The following EIF3A variants were observed in gnomAD, a reference collection of about 807,000 sequenced individuals.
EIF3A encodes the protein eukaryotic translation initiation factor 3 subunit A.
EIF3A carries 21 observed loss-of-function variants against 186.6 expected under a neutral mutation model. The ratio of observed to expected loss-of-function variants is 0.11; its 90% CI spans 0.08 to 0.16. EIF3A has a LOEUF of 0.16. Ranked by LOEUF, EIF3A falls within the 10% of genes least tolerant of loss-of-function variation. The pLI is 1.00. For synonymous variants in EIF3A, 563 were observed against 584.3 expected (o/e 0.96, Z 0.52); for missense variants, 1,306 against 1,796.3 (o/e 0.73, Z 4.93).
chr10:119,048,334 G>A (rs1459600715), intron 17 of EIF3A, among the ~76,000 whole-genome samples: 1 of 152,108 alleles, frequency 6.6e-6, no homozygotes, highest in Non-Finnish European at 1.5e-5. Flanking sequence ...AATTAAGGCA[G>A]TAATGTAGGA....
Position 119,073,921 on chromosome 10 carries a change from G to A in EIF3A, c.66C>T (p.Gly22=). Reference sequence around the variant, plus strand: ...GAACATCCAGAGCAGGCTGCTTTTTGCCAACCTCAAGAAATTCTGAAAAAT... The same window carrying A: ...GAACATCCAGAGCAGGCTGCTTTTTACCAACCTCAAGAAATTCTGAAAAAT... The part of the protein sequence containing the change: ...LKRANEFLEV[G]KKQPALDVLY... The change falls in exon 2 of 22, where the codon GGC becomes GGT. Residue 22 remains glycine (G), a synonymous_variant. Coordinates refer to ENST00000369144, the MANE Select transcript of EIF3A (RefSeq NM_003750.4). 1 of 1,593,936 alleles carries A rather than the reference G, an allele frequency of 6.3e-7. No homozygotes were observed. The highest frequency in any genetic ancestry group is 8.5e-7 in the Non-Finnish European group (1 of 1,171,134).
Position 119,034,030 on chromosome 10 carries a change from A to G in EIF3A, c.*2009T>C, listed in dbSNP as rs994460504. On this transcript the variant is annotated 3_prime_UTR_variant, in exon 22 of 22. Transcript: ENST00000369144. ...ACTGGATCTATCTGTATTAACAGCA[A>G]TGTTACTCTCAATGAAACTGCAGAA... 6.0e-6 allele frequency: 1 copy of G among 167,140 alleles called. No homozygotes were observed. Among genetic ancestry groups the G allele is most frequent in the Non-Finnish European group, 1.5e-5 (1 of 68,142 alleles). 10.4% of individuals were successfully genotyped at this position (167,140 alleles called of 1,614,324 possible). A position where few individuals can be genotyped will look rare whatever the true frequency, so the allele number is the denominator to read the frequency against.
At position 119,035,947 on chromosome 10, in the gene EIF3A, T is replaced by C. The variant is rs1848121752; in HGVS notation, c.*92A>G. ...GTTATGGTGAAACAACATTAAAGAA[T>C]CCAATTTAGATTGGTTGAAGCACAA... is the stretch of plus-strand genomic sequence containing the variant. On this transcript the variant is annotated 3_prime_UTR_variant, in exon 22 of 22. Coordinates refer to ENST00000369144, the MANE Select transcript of EIF3A (RefSeq NM_003750.4). 2.1e-6 allele frequency: 2 copies of C among 938,696 alleles called. No individual in the cohort carries two copies. The highest frequency in any genetic ancestry group is 3.3e-5 in the African/African-American group (2 of 61,042). The allele number at this position is 938,696 out of a possible 1,614,324, so 58.1% of individuals were successfully genotyped here.
intron 1 of EIF3A, among the ~76,000 whole-genome samples, chr10:119,078,215 G>C (rs762469362): frequency 6.6e-6 from 1 of 152,074 alleles, no homozygotes; most frequent in African/African-American, 2.4e-5. Flanking sequence ...AGTTAGTGTG[G>C]CACCACTAAT....
intron 6 of EIF3A, among the ~76,000 whole-genome samples, chr10:119,067,424 C>A (rs1843998824): frequency 6.6e-6 from 1 of 151,850 alleles, no homozygotes; most frequent in Non-Finnish European, 1.5e-5. Flanking sequence ...ACCCTGCCTC[C>A]ACAAAAAAAA....
At chr10:119,055,348 T>C (rs1848411070) in intron 14 of EIF3A, among the ~76,000 whole-genome samples, 1 of 152,184 alleles carries the variant, frequency 6.6e-6, no homozygotes, top group African/African-American at 2.4e-5. Context: ...CCGCCTTCTA[T>C]GAGTGTGGTT....
chr10:119,044,035 T>C lies in EIF3A; in HGVS notation c.2747+19A>G, dbSNP rs1417931777. The stretch of plus-strand genomic sequence containing the variant: ...TTAACAGGAACTGGAGCGGCATTAT[T>C]TTCCTCAACTCTACTTACTTCTCTG... On this transcript the variant is annotated intron_variant, in intron 18 of 21. Coordinates refer to ENST00000369144, the MANE Select transcript of EIF3A (RefSeq NM_003750.4). The C allele has an allele frequency of 1.9e-6, 3 of 1,580,836 alleles. No homozygotes were observed. Among genetic ancestry groups the C allele is most frequent in the Non-Finnish European group, 2.6e-6 (3 of 1,150,602 alleles).
chr10:119,071,206 G>C (rs898714277), intron 4 of EIF3A, 121 bp from the exon 5 acceptor site: 1 of 718,464 alleles, frequency 1.4e-6, no homozygotes, highest in Non-Finnish European at 2.3e-6. Flanking sequence ...CTCATCATTA[G>C]TCTTTGTGAT....
intron 20 of EIF3A, among the ~76,000 whole-genome samples, chr10:119,037,638 C>A (rs1265140098): frequency 6.6e-6 from 1 of 152,208 alleles, no homozygotes; most frequent in Non-Finnish European, 1.5e-5. Flanking sequence ...GACACATTTT[C>A]TTCCTTGAAG....
At chr10:119,073,605 G>C (rs1376970237) in intron 2 of EIF3A, 28 bp from the exon 3 acceptor site, 8 of 1,595,916 alleles carry the variant, frequency 5.0e-6, no homozygotes, top group Non-Finnish European at 6.0e-6. Flanking sequence ...AAACTCTTCA[G>C]AACTTATTTT....
At chr10:119,068,219 G>C (rs576447647) in intron 6 of EIF3A, among the ~76,000 whole-genome samples, 1 of 152,158 alleles carries the variant, frequency 6.6e-6, no homozygotes, top group East Asian at 1.9e-4. Flanking sequence ...TTTGTTGCTA[G>C]AGAAGTTTCT....
Position 119,061,316 on chromosome 10 carries a change from C to T in EIF3A, c.1135G>A (p.Val379Ile), listed in dbSNP as rs763331092. Reference protein sequence around the residue: ...GLINDMVRFNVLQYVVPEVKD... With the variant: ...GLINDMVRFNILQYVVPEVKD... The stretch of plus-strand genomic sequence containing the variant: ...ACTTCTGGGACAACATATTGTAGTA[C>T]ATTAAATCTGACCTACAGTAAGCAA... The change falls in exon 8 of 22, where the codon GTA becomes ATA. Residue 379 changes from valine to isoleucine, a missense_variant. Around this residue, in one of 8 missense-constraint regions of EIF3A, gnomAD observed 267 missense variants for 367.8 expected, o/e 0.73. Coordinates refer to ENST00000369144, the MANE Select transcript of EIF3A (RefSeq NM_003750.4). The T allele has an allele frequency of 1.3e-6, 2 of 1,544,258 alleles. No homozygotes were observed. The highest frequency in any genetic ancestry group is 1.8e-6 in the Non-Finnish European group (2 of 1,130,630).
chr10:119,041,183 G>GA (rs942507457), intron 19 of EIF3A, among the ~76,000 whole-genome samples: 7 of 150,830 alleles, frequency 4.6e-5, no homozygotes, highest in South Asian at 4.2e-4. Flanking sequence ...ACCTCAAAAA[G>GA]AAAAAAAATG....
intron 20 of EIF3A, 43 bp downstream of exon 20, chr10:119,038,195 A>G (rs1287410250): frequency 5.2e-6 from 8 of 1,548,230 alleles, no homozygotes; most frequent in Non-Finnish European, 7.1e-6. Flanking sequence ...GGCATGAGCC[A>G]CTGCGCCCGG....
chr10:119,050,105 G>A (rs1215493813), intron 16 of EIF3A, 120 bp from the exon 17 acceptor site: 1 of 980,374 alleles, frequency 1.0e-6, no homozygotes, highest in East Asian at 2.4e-5. Context: ...TTTGAAAATA[G>A]TTTGTAATCA....
chr10:119,077,556 ATTT>A (rs34768236), intron 1 of EIF3A, among the ~76,000 whole-genome samples: 3 of 142,450 alleles, frequency 2.1e-5, no homozygotes, highest in African/African-American at 5.2e-5. Flanking sequence ...GTTCCTCCGA[ATTT>A]TTTTTTTTTT....
At position 119,080,787 on chromosome 10, in the gene EIF3A, G is replaced by A. The variant is rs1844253755; in HGVS notation, c.-111C>T. 4 of 1,444,288 alleles carry A rather than the reference G, an allele frequency of 2.8e-6. No homozygotes were observed. The highest frequency in any genetic ancestry group is 2.7e-5 in the Admixed American group (1 of 36,570). The allele number at this position is 1,444,288 out of a possible 1,614,324, so 89.5% of individuals were successfully genotyped here. On this transcript the variant is annotated 5_prime_UTR_variant, in exon 1 of 22. Coordinates refer to ENST00000369144, the MANE Select transcript of EIF3A (RefSeq NM_003750.4). ...GGTCCCACGCGCCTCGCCAGCAGTC[G>A]CCCGCGCCCAGCCGGCCAGAGACGG...
chr10:119,036,206 G>C lies in EIF3A; in HGVS notation c.3982C>G (p.Arg1328Gly), dbSNP rs757041285. 14 of 1,613,402 alleles carry C rather than the reference G, an allele frequency of 8.7e-6. No individual in the cohort carries two copies. In the South Asian group the frequency reaches 1.5e-4, roughly 18 times the overall value. ...GAAAGAGCTGGGGGAGGAACTCGAC[G>C]AGGAGGGTCCCGCTCTTCCACCCGG... ...DDRVEERDPP[R>G]RVPPPALSRD... The change falls in exon 22 of 22, where the codon CGT (arginine) becomes GGT (glycine). Residue 1328 changes from arginine (R) to glycine (G), a missense_variant. Arg to Gly is a moderately radical substitution (Grantham distance 125, BLOSUM62 -2). This residue lies in a region of EIF3A where 331 missense variants were observed against 365.8 expected (regional missense o/e 0.90). Coordinates refer to ENST00000369144, the MANE Select transcript of EIF3A (RefSeq NM_003750.4).
intron 17 of EIF3A, among the ~76,000 whole-genome samples, chr10:119,046,745 G>A (rs893549412): frequency 5.9e-5 from 9 of 152,000 alleles, no homozygotes; most frequent in Non-Finnish European, 1.2e-4. Context: ...GATCACCTGA[G>A]GTCAGGAGTT....
Sources: allele counts gnomAD v4.1 joint callset (sites outside exome capture counted in the v4.1 genomes callset), GRCh38; gene constraint gnomAD v4.1.1; regional missense constraint gnomAD v4.1.1; transcripts MANE v1.5; gene names NCBI Gene and HGNC (gene_info 2026-07-23, HGNC 2026-07-21).